WRAP73: variants seen among roughly 807,000 people sequenced by gnomAD.
WRAP73 encodes the protein WD repeat containing, antisense to TP73.
In WRAP73, 55 loss-of-function variants were observed where a neutral mutation model predicts 59.6. The ratio of observed to expected loss-of-function variants is 0.92; its 90% confidence interval spans 0.74 to 1.15. The LOEUF (loss-of-function observed/expected upper bound fraction) is 1.15, where lower values mean the gene tolerates loss of function less well. WRAP73 is among the 50% of genes most tolerant of loss of function. The pLI is 0.00. For synonymous variants in WRAP73, 265 were observed against 258.2 expected, an observed-to-expected ratio of 1.03 and a Z score of -0.25; for missense variants, 592 against 608.1, an observed-to-expected ratio of 0.97 and a Z score of 0.28.
At chr1:3,648,412 G>A (rs1557466095) in intron 1 of WRAP73, among the ~76,000 whole-genome samples, 1 of 152,214 alleles carries the variant, frequency 6.6e-6, no homozygotes, top group Non-Finnish European at 1.5e-5. Context: ...AGCCACGTTA[G>A]TTTTCCGTGG....
chr1:3,635,977 G>A lies in WRAP73; in HGVS notation c.570C>T (p.Gly190=). The change falls in exon 6 of 12, where the codon GGC becomes GGT. Residue 190 remains glycine, a synonymous_variant. Coordinates refer to ENST00000270708, the MANE Select transcript of WRAP73 (RefSeq NM_017818.4). ...AGGTGTCCCACACTGCCAGCACACA[G>A]CCGTTTGGGGCCCACTCAATCCCTG... The part of the protein sequence containing the change: ...DLTGIEWAPN[G]CVLAVWDTCL... 6.2e-7 allele frequency: 1 copy of A among 1,614,008 alleles called. No homozygotes were observed. Among genetic ancestry groups the A allele is most frequent in the Non-Finnish European group, 8.5e-7 (1 of 1,180,010 alleles).
rs1342872063 is a variant in WRAP73, at chr1:3,630,773, T to C, written c.*202A>G. The C allele has an allele frequency of 4.4e-6, 3 of 676,292 alleles. No individual in the cohort carries two copies. Among genetic ancestry groups the C allele is most frequent in the African/African-American group, 3.7e-5 (2 of 54,412 alleles). 41.9% of individuals were successfully genotyped at this position (676,292 alleles called of 1,614,324 possible). ...AACGTTTCAAGAAGAGAAGTAGTTG[T>C]ATAAATCAGCAAGTATTTATTTTAA... On this transcript the variant is annotated 3_prime_UTR_variant, in exon 12 of 12. Coordinates refer to ENST00000270708, the MANE Select transcript of WRAP73 (RefSeq NM_017818.4).
chr1:3,635,209 G>A lies in WRAP73; in HGVS notation c.689C>T (p.Ala230Val), dbSNP rs1277455925. 1.9e-6 allele frequency: 3 copies of A among 1,614,050 alleles called. No homozygotes were observed. Among genetic ancestry groups the A allele is most frequent in the Non-Finnish European group, 2.5e-6 (3 of 1,180,048 alleles). The change falls in exon 7 of 12, where the codon GCC (alanine) becomes GTC (valine). Residue 230 changes from alanine to valine, a missense_variant. Transcript: ENST00000270708. Reference protein sequence around the residue: ...YEWSLGIKSVAWSPSSQFLAV... With the variant: ...YEWSLGIKSVVWSPSSQFLAV... ...CAGGAACTGACTGCTGGGGCTCCAG[G>A]CCACAGACTTGATGCCCAGGGACCA...
rs1570288600 is a variant in WRAP73, at chr1:3,631,347, A to G, written c.1240+119T>C. ...TCTTGAGGTTTACGCAAAGACTCTGAGGGCAGTTTCCCTGGAGTGCTGCCG... is the reference window on the plus strand; with the variant it reads ...TCTTGAGGTTTACGCAAAGACTCTGGGGGCAGTTTCCCTGGAGTGCTGCCG... On this transcript the variant is annotated intron_variant, in intron 11 of 11. Coordinates refer to ENST00000270708, the MANE Select transcript of WRAP73 (RefSeq NM_017818.4). 8.7e-6 allele frequency: 12 copies of G among 1,382,198 alleles called. No homozygotes were observed. In the East Asian group the frequency reaches 3.0e-4, roughly 35 times the overall value. 85.6% of individuals were successfully genotyped at this position (1,382,198 alleles called of 1,614,324 possible).
intron 8 of WRAP73, chr1:3,634,370 AT>A: frequency 6.3e-6 from 1 of 157,936 alleles, no homozygotes; most frequent in Non-Finnish European, 1.4e-5. Context: ...GGAGGGCAGC[AT>A]TTGTCTCTGG....
At position 3,650,046 on chromosome 1, in the gene WRAP73, G is replaced by A. The variant is rs1644726649; in HGVS notation, c.-47C>T. The A allele has an allele frequency of 6.5e-7, 1 of 1,534,336 alleles. No homozygotes were observed. Among genetic ancestry groups the A allele is most frequent in the Non-Finnish European group, 8.8e-7 (1 of 1,140,622 alleles). ...CCACCCTGCGCCCGAAAACCCGCGG[G>A]ACCCCTGGGCGCGCAGCAGGCTGCA... On this transcript the variant is annotated 5_prime_UTR_variant, in exon 1 of 12. Coordinates refer to ENST00000270708, the MANE Select transcript of WRAP73 (RefSeq NM_017818.4).
At chr1:3,648,804 T>C (rs1008743238) in intron 1 of WRAP73, among the ~76,000 whole-genome samples, 23 of 152,170 alleles carry the variant, frequency 1.5e-4, no homozygotes, top group Admixed American at 1.0e-3. Context: ...AAACCTCTCA[T>C]TTAATTGAGG....
At position 3,635,519 on chromosome 1, in the gene WRAP73, C is replaced by T. The variant is rs543545907; in HGVS notation, c.604-225G>A. 35 of 613,104 alleles carry T rather than the reference C, an allele frequency of 5.7e-5. 1 individual carries two copies. Among genetic ancestry groups the T allele is most frequent in the Admixed American group, 3.1e-4 (10 of 32,032 alleles). The allele number at this position is 613,104 out of a possible 1,614,324, so 38.0% of individuals were successfully genotyped here. ...AAATTGGGAGGTCAACCTAATGGCT[C>T]GCTGATAAAAGTTCAACTCGGCCGG... On this transcript the variant is annotated intron_variant, in intron 6 of 11. Transcript: ENST00000270708.
chr1:3,650,092 A>C lies in WRAP73; in HGVS notation c.-93T>G. ...CTGCAACAGCCGACGCCGGCCTCCG[A>C]GGCCGGAAGTCAGAAGGCGGAAGTG... On this transcript the variant is annotated 5_prime_UTR_variant, in exon 1 of 12. Transcript: ENST00000270708. 7.5e-7 allele frequency: 1 copy of C among 1,329,766 alleles called. No individual in the cohort carries two copies. The highest frequency in any genetic ancestry group is 1.0e-6 in the Non-Finnish European group (1 of 988,322). The allele number at this position is 1,329,766 out of a possible 1,614,324, so 82.4% of individuals were successfully genotyped here.
chr1:3,649,593 G>A (rs1304260607), intron 1 of WRAP73, among the ~76,000 whole-genome samples: 1 of 146,490 alleles, frequency 6.8e-6, no homozygotes. Flanking sequence ...CCGGGCACCT[G>A]CCGGGGTCCT....
At chr1:3,640,334 C>G (rs1307679530) in intron 3 of WRAP73, among the ~76,000 whole-genome samples, 1 of 152,252 alleles carries the variant, frequency 6.6e-6, no homozygotes, top group Non-Finnish European at 1.5e-5. Context: ...GAGGCTGAAA[C>G]CTTGCCCAAG....
intron 1 of WRAP73, among the ~76,000 whole-genome samples, chr1:3,649,224 T>C (rs1190136018): frequency 6.6e-6 from 1 of 152,240 alleles, no homozygotes; most frequent in Non-Finnish European, 1.5e-5. Flanking sequence ...CTTAAAGTTA[T>C]AGCTCTGTGA....
rs375548330 is a variant in WRAP73 at position 3,647,391 on chromosome 1, G to A, written c.222+17C>T. On this transcript the variant is annotated intron_variant, in intron 2 of 11. Coordinates refer to ENST00000270708, the MANE Select transcript of WRAP73 (RefSeq NM_017818.4). Reference sequence around the variant, plus strand: ...CTCAGAAGGTGTCCAGATTCTAAGCGACACGGCAGCACACACCTGCACCAG... The same window carrying A: ...CTCAGAAGGTGTCCAGATTCTAAGCAACACGGCAGCACACACCTGCACCAG... 79 of 1,602,378 alleles carry A rather than the reference G, an allele frequency of 4.9e-5. No homozygotes were observed. The highest frequency in any genetic ancestry group is 6.6e-5 in the Non-Finnish European group (77 of 1,174,310).
At chr1:3,636,264 C>T (rs747032741) in intron 5 of WRAP73, 10 of 544,024 alleles carry the variant, frequency 1.8e-5, no homozygotes, top group Admixed American at 9.5e-5. Flanking sequence ...TTGGTCTCCC[C>T]GCGCCTGCAC....
chr1:3,640,142 G>A (rs1426381789), intron 3 of WRAP73, among the ~76,000 whole-genome samples: 7 of 152,328 alleles, frequency 4.6e-5, no homozygotes, highest in East Asian at 1.9e-4. Context: ...CAGGGGTCAC[G>A]TGGCAGCACG....
chr1:3,640,918 G>A (rs973606307), intron 3 of WRAP73, among the ~76,000 whole-genome samples: 17 of 152,228 alleles, frequency 1.1e-4, no homozygotes, highest in Non-Finnish European at 1.6e-4. Context: ...GCGCCTGGCC[G>A]AGGCTCCCCA....
intron 11 of WRAP73, 82 bp downstream of exon 11, chr1:3,631,384 T>C: frequency 6.7e-7 from 1 of 1,491,972 alleles, no homozygotes; most frequent in South Asian, 1.2e-5. Flanking sequence ...AGACAGCAGC[T>C]GGGCTTCAAC....
At position 3,646,544 on chromosome 1, in the gene WRAP73, T is replaced by A. The variant is rs1169340516; in HGVS notation, c.339+122A>T. The A allele has an allele frequency of 6.9e-6, 5 of 727,428 alleles. No individual in the cohort carries two copies. The highest frequency in any genetic ancestry group is 1.1e-5 in the Non-Finnish European group (5 of 438,978). 45.1% of individuals were successfully genotyped at this position (727,428 alleles called of 1,614,324 possible). The stretch of plus-strand genomic sequence containing the variant: ...AATCCCCTGGTGGTCTTAGAATGCA[T>A]CCCCTGAGGATAAGGGGAGACTAGC... On this transcript the variant is annotated intron_variant, in intron 3 of 11. Coordinates refer to ENST00000270708, the MANE Select transcript of WRAP73 (RefSeq NM_017818.4). This position sits in a 1 kb window ranked among gnomAD's most constrained non-coding sequence, Gnocchi z 5.1.
rs1208073537 is a variant in WRAP73 at position 3,644,337 on chromosome 1, C to T, written c.339+2329G>A. On this transcript the variant is annotated intron_variant, in intron 3 of 11. Coordinates refer to ENST00000270708, the MANE Select transcript of WRAP73 (RefSeq NM_017818.4). ...GGGGACCCAGCGGCCCCGCTGAGCC[C>T]CGGACATGGGGTCGCGCCTTCGGAA... Among the ~76,000 whole-genome samples the T allele has an allele frequency of 5.1e-5, 6 of 118,026 alleles. 1 individual carries two copies. Among genetic ancestry groups the T allele is most frequent in the African/African-American group, 7.8e-5 (2 of 25,624 alleles). The allele number at this position is 118,026 out of a possible 152,430, so 77.4% of individuals were successfully genotyped here. A position where few individuals can be genotyped will look rare whatever the true frequency, so the allele number is the denominator to read the frequency against.
Sources: allele counts gnomAD v4.1 joint callset (sites outside exome capture counted in the v4.1 genomes callset), GRCh38; gene constraint gnomAD v4.1.1; non-coding constraint Gnocchi (gnomAD v3.1); transcripts MANE v1.5; gene names NCBI Gene and HGNC (gene_info 2026-07-23, HGNC 2026-07-21).